The following ADSS2 variants were observed in gnomAD, a reference collection of about 807,000 sequenced individuals.
ADSS2 encodes adenylosuccinate synthase 2.
In ADSS2, 30 loss-of-function variants were observed where a neutral mutation model predicts 60.0. The observed-to-expected ratio is 0.50, with a 90% confidence interval of 0.37 to 0.68. The LOEUF is 0.68. Ranked by LOEUF, ADSS2 falls within the 30% of genes least tolerant of loss-of-function variation. The pLI is 0.00. For synonymous variants in ADSS2, 187 were observed against 193.1 expected, an observed-to-expected ratio of 0.97 and a Z score of 0.26; for missense variants, 373 against 554.8, an observed-to-expected ratio of 0.67 and a Z score of 3.29.
chr1:244,417,752 C>T lies in ADSS2; in HGVS notation c.946G>A (p.Glu316Lys), dbSNP rs1391820229. Residue 316 changes from glutamate to lysine, a missense_variant and splice_region_variant, in exon 10 of 13, where the codon GAA becomes AAA. By Grantham distance (56) the Glu-to-Lys change is moderately conservative (BLOSUM62 1). Coordinates refer to ENST00000366535, the MANE Select transcript of ADSS2 (RefSeq NM_001126.5). ...CTTGTTTGTAATAATTCTCCAATTT[C>T]CTACAGAACAGAAAATTGAACTTTA... The part of the protein sequence containing the change: ...IGAFPTEQDN[E>K]IGELLQTRGR... 1 of 1,612,686 alleles carries T rather than the reference C, an allele frequency of 6.2e-7. No individual in the cohort carries two copies. Among genetic ancestry groups the T allele is most frequent in the Non-Finnish European group, 8.5e-7 (1 of 1,179,062 alleles).
chr1:244,411,512 C>A, intron 11 of ADSS2, 76 bp from the exon 12 acceptor site: 1 of 1,413,722 alleles, frequency 7.1e-7, no homozygotes, highest in Non-Finnish European at 9.5e-7. Context: ...ATTGTAGGTT[C>A]AAAATGTCTT....
Position 244,409,245 on chromosome 1 carries a change from C to T in ADSS2, c.*341G>A, listed in dbSNP as rs1449561621. The stretch of plus-strand genomic sequence containing the variant: ...AATAGGGGTAAAACTTAAGAACACG[C>T]AATGACAATAATGAAGAAAAACTAC... On this transcript the variant is annotated 3_prime_UTR_variant, in exon 13 of 13. Transcript: ENST00000366535. 5.3e-6 allele frequency: 1 copy of T among 188,844 alleles called. No homozygotes were observed. The highest frequency in any genetic ancestry group is 1.1e-5 in the Non-Finnish European group (1 of 92,540). 11.7% of individuals were successfully genotyped at this position (188,844 alleles called of 1,614,324 possible).
At chr1:244,435,676 C>T (rs188236237) in intron 3 of ADSS2, among the ~76,000 whole-genome samples, 1 of 152,176 alleles carries the variant, frequency 6.6e-6, no homozygotes, top group East Asian at 1.9e-4. Flanking sequence ...CTTCCTCCTC[C>T]ATCTGTGGTT....
intron 3 of ADSS2, among the ~76,000 whole-genome samples, chr1:244,433,859 TAAAAAAAAAAAA>T (rs35132231): frequency 1.1e-5 from 1 of 94,964 alleles, no homozygotes; most frequent in Non-Finnish European, 2.0e-5. Context: ...ACTCCATCTT[TAAAAAAAAAAAA>T]AAAAAAAAAA....
intron 1 of ADSS2, among the ~76,000 whole-genome samples, chr1:244,441,734 G>A (rs3003214): frequency 0.34 from 51,793 of 151,656 alleles, 8,944 homozygotes; most frequent in Middle Eastern, 0.39. Context: ...AGGCGGGTAG[G>A]TCACAAGGTC....
intron 1 of ADSS2, among the ~76,000 whole-genome samples, chr1:244,446,461 G>T (rs906913070): frequency 3.3e-4 from 50 of 152,152 alleles, no homozygotes; most frequent in Non-Finnish European, 6.0e-4. Flanking sequence ...TTCTAGCAAA[G>T]ATATCCCAGC....
chr1:244,419,019 A>C, intron 8 of ADSS2, 105 bp from the exon 9 acceptor site: 1 of 1,014,544 alleles, frequency 9.9e-7, no homozygotes, highest in South Asian at 1.8e-5. Flanking sequence ...TAGGTATCTA[A>C]CAGATCTGAA....
intron 11 of ADSS2, among the ~76,000 whole-genome samples, chr1:244,412,582 G>C (rs1367368866): frequency 6.6e-6 from 1 of 152,170 alleles, no homozygotes; most frequent in Non-Finnish European, 1.5e-5. Flanking sequence ...ACTGGAGAAA[G>C]ATAATGAAAC....
chr1:244,411,979 T>C (rs762722860), intron 11 of ADSS2, among the ~76,000 whole-genome samples: 12 of 152,182 alleles, frequency 7.9e-5, no homozygotes, highest in Non-Finnish European at 1.6e-4. Flanking sequence ...GATGCTATGG[T>C]ACTCTGCCCA....
chr1:244,442,304 T>C (rs918370098), intron 1 of ADSS2, among the ~76,000 whole-genome samples: 1 of 151,940 alleles, frequency 6.6e-6, no homozygotes, highest in African/African-American at 2.4e-5. Flanking sequence ...TGGATGACTT[T>C]AGGGGGAAAA....
chr1:244,418,321 T>C (rs1482497732), intron 9 of ADSS2, among the ~76,000 whole-genome samples: 1 of 152,234 alleles, frequency 6.6e-6, no homozygotes, highest in Non-Finnish European at 1.5e-5. Context: ...TTATTTTTGT[T>C]GACTTTATTT....
intron 12 of ADSS2, among the ~76,000 whole-genome samples, chr1:244,409,841 C>T (rs1572125534): frequency 6.6e-6 from 1 of 152,146 alleles, no homozygotes; most frequent in East Asian, 1.9e-4. Context: ...GGACAGTATG[C>T]CTTACTGTTC....
intron 1 of ADSS2, among the ~76,000 whole-genome samples, chr1:244,448,053 C>G (rs1665438819): frequency 6.6e-6 from 1 of 152,030 alleles, no homozygotes; most frequent in Non-Finnish European, 1.5e-5. Context: ...TAGGGAAATG[C>G]TATAAATGAT....
At chr1:244,427,415 A>T (rs995337774) in intron 4 of ADSS2, among the ~76,000 whole-genome samples, 2 of 152,184 alleles carry the variant, frequency 1.3e-5, no homozygotes, top group Non-Finnish European at 2.9e-5. Context: ...AAAAGAAAGC[A>T]GGAAAAGAAC....
At chr1:244,441,014 G>A (rs1665226555) in intron 1 of ADSS2, among the ~76,000 whole-genome samples, 1 of 151,292 alleles carries the variant, frequency 6.6e-6, no homozygotes, top group African/African-American at 2.4e-5. Flanking sequence ...TAGAATCCTA[G>A]GACATATATT....
intron 10 of ADSS2, among the ~76,000 whole-genome samples, chr1:244,417,408 C>T (rs571018896): frequency 4.2e-4 from 64 of 152,226 alleles, no homozygotes; most frequent in African/African-American, 1.4e-3. Context: ...TAGAGTATCA[C>T]GATTCTTTTC....
intron 1 of ADSS2, among the ~76,000 whole-genome samples, chr1:244,441,265 A>T (rs371044727): frequency 1.3e-5 from 2 of 152,086 alleles, no homozygotes; most frequent in South Asian, 4.2e-4. Flanking sequence ...TCACCATGTT[A>T]GCCAGGATGG....
chr1:244,445,350 G>A (rs1665358543), intron 1 of ADSS2, among the ~76,000 whole-genome samples: 1 of 152,160 alleles, frequency 6.6e-6, no homozygotes, highest in Non-Finnish European at 1.5e-5. Context: ...ATGATTGCTA[G>A]ATATTAATAA....
chr1:244,424,468 T>G (rs1012893161), intron 4 of ADSS2, 81 bp from the exon 5 acceptor site: 16 of 1,135,380 alleles, frequency 1.4e-5, no homozygotes, highest in Non-Finnish European at 2.1e-5. Context: ...ATTACTGAAG[T>G]TATAAATCCC....
Sources: gnomAD v4.1 joint callset for allele counts (sites outside exome capture counted in the v4.1 genomes callset) on GRCh38, gnomAD v4.1.1 for gene constraint, MANE v1.5 for transcripts, NCBI Gene and HGNC (gene_info 2026-07-23, HGNC 2026-07-21) for gene names.